ADAMTSL1: variants seen among roughly 807,000 people sequenced by gnomAD.
The protein encoded by ADAMTSL1 is ADAMTS-like protein 1.
ADAMTSL1 carries 126 observed loss-of-function variants against 201.8 expected under a neutral mutation model. The ratio of observed to expected loss-of-function variants is 0.62; its 90% CI spans 0.54 to 0.72. The LOEUF is 0.72. Among genes scored for constraint, ADAMTSL1 ranks in the 30% least tolerant of loss-of-function variants. ADAMTSL1 has a pLI of 0.00. For missense variants in ADAMTSL1, 2,679 were observed against 2,277.8 expected (o/e 1.18, Z -3.59); for synonymous variants, 1,121 against 903.4 (o/e 1.24, Z -4.32).
At chr9:18,627,946 T>C (rs1426699547) in intron 5 of ADAMTSL1, among the ~76,000 whole-genome samples, 1 of 152,208 alleles carries the variant, frequency 6.6e-6, no homozygotes, top group East Asian at 1.9e-4. Flanking sequence ...AATGTGTTGC[T>C]TGACTTTCTC....
At chr9:18,280,466 A>G (rs79903231) in intron 2 of ADAMTSL1, among the ~76,000 whole-genome samples, 1,839 of 151,608 alleles carry the variant, frequency 0.012, 16 homozygotes, top group Non-Finnish European at 0.018. Context: ...ACTGTGATGT[A>G]TCTGTAGATC....
chr9:18,142,393 G>T (rs1797118650), intron 1 of ADAMTSL1, among the ~76,000 whole-genome samples: 1 of 152,214 alleles, frequency 6.6e-6, no homozygotes, highest in African/African-American at 2.4e-5. Context: ...ATGAAATTAA[G>T]ACCGGCTCTT....
At chr9:18,895,834 A>T (rs146164690) in intron 26 of ADAMTSL1, among the ~76,000 whole-genome samples, 2 of 152,264 alleles carry the variant, frequency 1.3e-5, no homozygotes, top group Non-Finnish European at 2.9e-5. Flanking sequence ...CACAAGCCAT[A>T]CAAAGAAATG....
At chr9:18,682,143 T>G (rs756952919) in intron 12 of ADAMTSL1, among the ~76,000 whole-genome samples, 184 bp downstream of exon 12, 6 of 152,336 alleles carry the variant, frequency 3.9e-5, no homozygotes, top group Non-Finnish European at 8.8e-5. Context: ...ATTGCAAAAT[T>G]TCATTAACCA....
chr9:18,322,741 G>T (rs893392444), intron 2 of ADAMTSL1, among the ~76,000 whole-genome samples: 4 of 152,072 alleles, frequency 2.6e-5, no homozygotes, highest in African/African-American at 9.7e-5. Flanking sequence ...AGAAATAAGA[G>T]TGGTTATTAT....
intron 1 of ADAMTSL1, among the ~76,000 whole-genome samples, chr9:18,074,269 CTA>C (rs1823095970): frequency 6.6e-6 from 1 of 152,262 alleles, no homozygotes; most frequent in South Asian, 2.1e-4. Context: ...TTTCAAAAAA[CTA>C]TGAATGCAAT....
chr9:18,795,086 C>T (rs138007530), intron 19 of ADAMTSL1, among the ~76,000 whole-genome samples: 40 of 152,312 alleles, frequency 2.6e-4, no homozygotes, highest in Admixed American at 1.9e-3. Flanking sequence ...CCCCTTCCCC[C>T]GGATATCTGT....
intron 2 of ADAMTSL1, among the ~76,000 whole-genome samples, chr9:18,466,922 T>C (rs1821029152): frequency 1.3e-5 from 2 of 152,188 alleles, no homozygotes; most frequent in African/African-American, 4.8e-5. Context: ...CAAATTTCAT[T>C]TCATTTTTGA....
intron 1 of ADAMTSL1, among the ~76,000 whole-genome samples, chr9:18,011,941 C>G (rs571241320): frequency 2.4e-4 from 36 of 152,092 alleles, no homozygotes; most frequent in African/African-American, 8.2e-4. Flanking sequence ...AGAGTGTTCC[C>G]TCTTAGACAT....
In ADAMTSL1 at chr9:18,644,786, A is replaced by G. The variant is rs1382993772; in HGVS notation, c.834+5375A>G. 2.6e-5 allele frequency among the ~76,000 whole-genome samples: 4 copies of G among 152,160 alleles called. No individual in the cohort carries two copies. In the East Asian group the frequency reaches 5.8e-4, roughly 22 times the overall value. The stretch of plus-strand genomic sequence containing the variant: ...CCACATTTTCTTAATCCAGTCTATC[A>G]TTGTTGGACATTTGGGTTAGTTCCA... On this transcript the variant is annotated intron_variant, in intron 7 of 28. Coordinates refer to ENST00000380548, the MANE Select transcript of ADAMTSL1 (RefSeq NM_001040272.6).
intron 2 of ADAMTSL1, among the ~76,000 whole-genome samples, chr9:18,202,981 C>T (rs1050263113): frequency 1.3e-5 from 2 of 151,988 alleles, no homozygotes; most frequent in African/African-American, 2.4e-5. Context: ...TAGCCACAAA[C>T]TCAATTCTCA....
At chr9:18,447,999 G>C (rs576926276) in intron 2 of ADAMTSL1, among the ~76,000 whole-genome samples, 1 of 152,252 alleles carries the variant, frequency 6.6e-6, no homozygotes, top group African/African-American at 2.4e-5. Flanking sequence ...CAAAACAAGA[G>C]ATTTGTGTGC....
At chr9:18,426,034 C>T (rs1026428436) in intron 2 of ADAMTSL1, among the ~76,000 whole-genome samples, 8 of 151,992 alleles carry the variant, frequency 5.3e-5, no homozygotes, top group Admixed American at 5.2e-4. Context: ...TATATTTTCC[C>T]CTTTATGCTT....
chr9:17,950,553 C>T (rs1827695251), intron 1 of ADAMTSL1, among the ~76,000 whole-genome samples: 1 of 151,012 alleles, frequency 6.6e-6, no homozygotes. Context: ...ATTATATATG[C>T]TACATAAAGC....
intron 2 of ADAMTSL1, among the ~76,000 whole-genome samples, chr9:18,220,977 G>A (rs2132357661): frequency 6.6e-6 from 1 of 152,020 alleles, no homozygotes; most frequent in Admixed American, 6.6e-5. Flanking sequence ...GTTTTGCCAT[G>A]TTGCCCAGGC....
chr9:17,995,681 G>A (rs966847931), intron 1 of ADAMTSL1, among the ~76,000 whole-genome samples: 25 of 151,972 alleles, frequency 1.6e-4, no homozygotes, highest in African/African-American at 4.8e-4. Context: ...TTAACAGAAG[G>A]CATTCAAGAG....
chr9:18,641,376 C>G (rs1358476954), intron 7 of ADAMTSL1, among the ~76,000 whole-genome samples: 1 of 151,998 alleles, frequency 6.6e-6, no homozygotes, highest in Non-Finnish European at 1.5e-5. Context: ...GAATTTTTGC[C>G]ACACAACAAT....
At chr9:18,675,766 T>G in intron 9 of ADAMTSL1, 91 bp from the exon 10 acceptor site, 1 of 1,117,600 alleles carries the variant, frequency 8.9e-7, no homozygotes, top group Non-Finnish European at 1.3e-6. Flanking sequence ...ATTTTGCATT[T>G]GTATTAAAAA....
chr9:18,795,608 C>A, intron 20 of ADAMTSL1, 84 bp downstream of exon 20: 2 of 1,425,544 alleles, frequency 1.4e-6, no homozygotes, highest in South Asian at 2.8e-5. Flanking sequence ...CCCAGAGATG[C>A]ATAGATAAAG....
Sources: gnomAD v4.1 joint callset for allele counts (sites outside exome capture counted in the v4.1 genomes callset) on GRCh38, gnomAD v4.1.1 for gene constraint, MANE v1.5 for transcripts, NCBI Gene and HGNC (gene_info 2026-07-23, HGNC 2026-07-21) for gene names.